ASB7: variants seen among roughly 807,000 people sequenced by gnomAD.
The protein encoded by ASB7 is ankyrin repeat and SOCS box containing 7.
Under a neutral mutation model 32.5 loss-of-function variants are expected in ASB7, and 4 were observed. The ratio of observed to expected loss-of-function variants is 0.12; its 90% CI spans 0.06 to 0.28. ASB7 has a LOEUF of 0.28. ASB7 is among the 10% of genes least tolerant of loss of function. The pLI, the probability that ASB7 is intolerant of heterozygous loss-of-function variation, is 1.00. For synonymous variants in ASB7, 172 were observed against 155.6 expected, an observed-to-expected ratio of 1.11 and a Z score of -0.78; for missense variants, 181 against 407.1, an observed-to-expected ratio of 0.44 and a Z score of 4.78.
At chr15:100,643,657 T>C (rs935265939) in intron 5 of ASB7, among the ~76,000 whole-genome samples, 1 of 150,856 alleles carries the variant, frequency 6.6e-6, no homozygotes, top group Non-Finnish European at 1.5e-5. Flanking sequence ...GCCTGGCTAA[T>C]TTTTTTTATA....
chr15:100,623,445 C>T (rs1597004137), intron 4 of ASB7, among the ~76,000 whole-genome samples: 1 of 152,142 alleles, frequency 6.6e-6, no homozygotes, highest in South Asian at 2.1e-4. Context: ...AGACATTTCT[C>T]GAAAGAAGAC....
intron 4 of ASB7, among the ~76,000 whole-genome samples, chr15:100,619,531 C>T (rs1334654939): frequency 1.3e-5 from 2 of 152,096 alleles, no homozygotes; most frequent in East Asian, 3.9e-4. Flanking sequence ...AAAAGAATTG[C>T]CGTTAATTGA....
chr15:100,612,790 T>C (rs930111081), intron 4 of ASB7, among the ~76,000 whole-genome samples: 3 of 152,222 alleles, frequency 2.0e-5, no homozygotes, highest in Non-Finnish European at 4.4e-5. Flanking sequence ...TGTTGATTAT[T>C]GCTTAAGCGT....
intron 4 of ASB7, among the ~76,000 whole-genome samples, chr15:100,621,478 A>G (rs966286321): frequency 3.3e-5 from 5 of 152,350 alleles, no homozygotes; most frequent in Admixed American, 6.5e-5. Flanking sequence ...CTGAAAGTCT[A>G]TCATTGGCAG....
chr15:100,608,977 A>G lies in ASB7; in HGVS notation c.-173-730A>G, dbSNP rs546986945. On this transcript the variant is annotated intron_variant, in intron 2 of 5. Coordinates refer to ENST00000332783, the MANE Select transcript of ASB7 (RefSeq NM_198243.3). Reference sequence around the variant, plus strand: ...CAGGGGATGAGGTAGTAGTTCTCCCAATATGTAATTCCTAGAGTTTTATGT... The same window carrying G: ...CAGGGGATGAGGTAGTAGTTCTCCCGATATGTAATTCCTAGAGTTTTATGT... 8.3e-4 allele frequency among the ~76,000 whole-genome samples: 126 copies of G among 152,314 alleles called. 1 individual carries two copies. The highest frequency in any genetic ancestry group is 3.0e-3 in the African/African-American group (124 of 41,558).
chr15:100,621,659 AAGG>A (rs2141394894), intron 4 of ASB7, among the ~76,000 whole-genome samples: 1 of 152,304 alleles, frequency 6.6e-6, no homozygotes, highest in South Asian at 2.1e-4. Flanking sequence ...TGCACAAAGA[AAGG>A]AGCTATATTG....
At chr15:100,640,678 A>G (rs946004596) in intron 5 of ASB7, among the ~76,000 whole-genome samples, 4 of 152,176 alleles carry the variant, frequency 2.6e-5, no homozygotes, top group Non-Finnish European at 5.9e-5. Context: ...CACTTTGGGT[A>G]TTTAAAAATG....
intron 5 of ASB7, among the ~76,000 whole-genome samples, chr15:100,640,292 G>A (rs931093626): frequency 1.3e-5 from 2 of 152,116 alleles, no homozygotes; most frequent in South Asian, 2.1e-4. Flanking sequence ...CTACAGGCAC[G>A]TGCCACCATA....
chr15:100,643,036 A>AAAAAC (rs1240410984), intron 5 of ASB7, among the ~76,000 whole-genome samples: 14 of 152,198 alleles, frequency 9.2e-5, no homozygotes, highest in African/African-American at 3.1e-4. Flanking sequence ...ACTCTGGCTA[A>AAAAAC]AAAACAAAAC....
intron 2 of ASB7, among the ~76,000 whole-genome samples, chr15:100,603,744 T>C (rs1489499980): frequency 6.6e-6 from 1 of 152,196 alleles, no homozygotes; most frequent in Non-Finnish European, 1.5e-5. Context: ...CTATCACCTT[T>C]CTTCTACCTG....
intron 5 of ASB7, among the ~76,000 whole-genome samples, chr15:100,631,842 T>A (rs1193741179): frequency 6.6e-6 from 1 of 152,210 alleles, no homozygotes; most frequent in Non-Finnish European, 1.5e-5. Context: ...TGTAATTGTT[T>A]TTCAAGGTGA....
chr15:100,645,517 C>A, intron 5 of ASB7: 1 of 647,538 alleles, frequency 1.5e-6, no homozygotes, highest in Non-Finnish European at 2.9e-6. Flanking sequence ...TCAGAACTTT[C>A]TCTTCATGAG....
chr15:100,646,365 A>G (rs573499760), intron 5 of ASB7: 6 of 380,708 alleles, frequency 1.6e-5, no homozygotes, highest in South Asian at 1.4e-4. Flanking sequence ...CATCAAGGAC[A>G]CTTCATTCTG....
At chr15:100,641,360 C>T (rs1431294240) in intron 5 of ASB7, among the ~76,000 whole-genome samples, 2 of 152,130 alleles carry the variant, frequency 1.3e-5, no homozygotes, top group Non-Finnish European at 2.9e-5. Flanking sequence ...AATGCCATTT[C>T]TGAAAAAAAT....
At chr15:100,612,550 C>A (rs2039706377) in intron 4 of ASB7, 123 bp downstream of exon 4, 2 of 907,122 alleles carry the variant, frequency 2.2e-6, no homozygotes, top group South Asian at 1.6e-5. Context: ...ATTATTCTCT[C>A]TCCTTTGTGA....
rs1415962413 is a variant in ASB7, at chr15:100,649,750, A to G, written c.*1288A>G. ...GTCCCAGAGGCATTAGGCATCTAAG[A>G]GGATGCCCTCAGAAACGTATTCTGG... On this transcript the variant is annotated 3_prime_UTR_variant, in exon 6 of 6. Transcript: ENST00000332783. The G allele has an allele frequency of 6.6e-6, 1 of 152,262 alleles. No homozygotes were observed. The highest frequency in any genetic ancestry group is 1.5e-5 in the Non-Finnish European group (1 of 68,042). The allele number at this position is 152,262 out of a possible 1,614,324, so 9.4% of individuals were successfully genotyped here. A position where few individuals can be genotyped will look rare whatever the true frequency, so the allele number is the denominator to read the frequency against.
chr15:100,631,339 G>A (rs779039164), intron 5 of ASB7, among the ~76,000 whole-genome samples: 3 of 152,132 alleles, frequency 2.0e-5, no homozygotes, highest in South Asian at 2.1e-4. Context: ...AGTTTAAATG[G>A]CCACAAGTGC....
intron 5 of ASB7, among the ~76,000 whole-genome samples, chr15:100,636,908 T>G (rs2141404150): frequency 1.3e-5 from 2 of 152,360 alleles, no homozygotes; most frequent in South Asian, 4.1e-4. Context: ...ACATTTGTGT[T>G]GATGGTGTAC....
At position 100,634,045 on chromosome 15, in the gene ASB7, G is replaced by A. The variant is rs902921436; in HGVS notation, c.817+4003G>A. ...TATGAACAGGAAAAGGGTGACACAAGCAGATGTTATTAAACAGATACAGTA... is the reference window on the plus strand; with the variant it reads ...TATGAACAGGAAAAGGGTGACACAAACAGATGTTATTAAACAGATACAGTA... On this transcript the variant is annotated intron_variant, in intron 5 of 5. Transcript: ENST00000332783. Among the ~76,000 whole-genome samples the A allele has an allele frequency of 5.3e-5, 8 of 152,306 alleles. No individual in the cohort carries two copies. The East Asian group carries it at 5.8e-4, about 11-fold the overall frequency.
Sources: gnomAD v4.1 joint callset for allele counts (sites outside exome capture counted in the v4.1 genomes callset) on GRCh38, gnomAD v4.1.1 for gene constraint, MANE v1.5 for transcripts, NCBI Gene and HGNC (gene_info 2026-07-23, HGNC 2026-07-21) for gene names.